Variants in CFAP20DC observed in about 807,000 individuals in gnomAD.
The protein encoded by CFAP20DC is CFAP20 domain containing.
In CFAP20DC, 84 loss-of-function variants were observed where a neutral mutation model predicts 101.7. The observed-to-expected ratio is 0.83, with a 90% CI of 0.69 to 0.99. CFAP20DC has a LOEUF of 0.99. Ranked by LOEUF, CFAP20DC falls within the 50% of genes least tolerant of loss-of-function variation. The pLI, the probability that CFAP20DC is intolerant of heterozygous loss-of-function variation, is 0.00. For synonymous variants in CFAP20DC, 359 were observed against 351.2 expected (o/e 1.02, Z -0.25); for missense variants, 1,007 against 970.3 (o/e 1.04, Z -0.50).
chr3:58,809,931 G>T (rs1436098979), intron 14 of CFAP20DC, among the ~76,000 whole-genome samples: 1 of 152,092 alleles, frequency 6.6e-6, no homozygotes, highest in South Asian at 2.1e-4. Flanking sequence ...AAACCTCCAC[G>T]CAAATAAACT....
At chr3:58,855,261 G>A (rs1301078818) in intron 12 of CFAP20DC, among the ~76,000 whole-genome samples, 2 of 152,096 alleles carry the variant, frequency 1.3e-5, no homozygotes, top group South Asian at 2.1e-4. Flanking sequence ...GGCCATCAGA[G>A]AAATGCAACT....
rs1366800064 is a variant in CFAP20DC, at chr3:58,795,509, C to T, written c.2237+10886G>A. On this transcript the variant is annotated intron_variant, in intron 15 of 16. Coordinates refer to ENST00000482387, the MANE Select transcript of CFAP20DC (RefSeq NM_001394063.1). This position sits in a 1 kb window ranked among gnomAD's most constrained non-coding sequence, Gnocchi z 4.2. ...TCAGCTTGGCTTGTGCCTGTGGTCT[C>T]GGCTACATGGGAAGCTGGAGTGGGA... Among the ~76,000 whole-genome samples, 6 of 152,154 alleles carry T rather than the reference C, an allele frequency of 3.9e-5. No individual in the cohort carries two copies. Among genetic ancestry groups the T allele is most frequent in the South Asian group, 2.1e-4 (1 of 4,824 alleles).
intron 3 of CFAP20DC, among the ~76,000 whole-genome samples, chr3:58,735,376 A>G (rs901062005): frequency 6.6e-6 from 1 of 152,226 alleles, no homozygotes; most frequent in East Asian, 1.9e-4. Flanking sequence ...CATCAACCAC[A>G]TGGGGTTAAG....
At chr3:58,851,634 G>A (rs2078239465) in intron 12 of CFAP20DC, among the ~76,000 whole-genome samples, 6 of 152,044 alleles carry the variant, frequency 3.9e-5, no homozygotes, top group Admixed American at 3.3e-4. Context: ...GCTCCACCAA[G>A]TTCAAGACAC....
intron 4 of CFAP20DC, 121 bp from the exon 5 acceptor site, chr3:58,937,883 C>A: frequency 1.5e-6 from 1 of 655,584 alleles, no homozygotes; most frequent in South Asian, 1.9e-5. Context: ...AGATCAAACA[C>A]AGAATTTAAG....
intron 4 of CFAP20DC, among the ~76,000 whole-genome samples, chr3:58,990,502 A>G (rs991901945): frequency 6.6e-6 from 1 of 152,130 alleles, no homozygotes; most frequent in South Asian, 2.1e-4. Flanking sequence ...AATGCTCTTT[A>G]TATGGCTTGC....
rs2067480609 is a variant in CFAP20DC, at chr3:58,722,055, TG to T, written c.198-4428del. On this transcript the variant is annotated intron_variant, in intron 3 of 3. Coordinates refer to the CFAP20DC transcript ENST00000486145. This position sits in a 1 kb window ranked among gnomAD's most constrained non-coding sequence, Gnocchi z 4.5. Reference sequence around the variant, plus strand: ...TTGTTTTCTTTTTACCTAGCTCACTTGGAACATTTGCTTTCTGGATGCTCCT... The same window carrying T: ...TTGTTTTCTTTTTACCTAGCTCACTTGAACATTTGCTTTCTGGATGCTCCT... Among the ~76,000 whole-genome samples the T allele has an allele frequency of 2.0e-5, 3 of 152,198 alleles. No individual in the cohort carries two copies. In the South Asian group the frequency reaches 6.2e-4, roughly 31 times the overall value.
chr3:59,019,742 C>T (rs1275282590), intron 4 of CFAP20DC, among the ~76,000 whole-genome samples: 3 of 152,050 alleles, frequency 2.0e-5, no homozygotes, highest in Non-Finnish European at 4.4e-5. Flanking sequence ...TTGGTGTATA[C>T]TTTAAGATAG....
At chr3:58,772,106 G>C (rs916665491) in intron 15 of CFAP20DC, among the ~76,000 whole-genome samples, 2 of 152,160 alleles carry the variant, frequency 1.3e-5, no homozygotes, top group African/African-American at 4.8e-5. Flanking sequence ...GAGAAATTTT[G>C]TTTCTTGTTT....
chr3:58,803,874 CA>C (rs1381851387), intron 15 of CFAP20DC, among the ~76,000 whole-genome samples: 1 of 152,142 alleles, frequency 6.6e-6, no homozygotes, highest in Non-Finnish European at 1.5e-5. Context: ...TAATTGGTTG[CA>C]TAAGATAATG....
intron 4 of CFAP20DC, chr3:59,018,717 G>A (rs772208914): frequency 1.3e-5 from 2 of 152,140 alleles, no homozygotes; most frequent in Non-Finnish European, 2.9e-5. Flanking sequence ...ACTAAAGGTA[G>A]TGTGTAATTC....
In CFAP20DC at chr3:59,049,966, C is replaced by A; in HGVS notation, c.-335G>T. The A allele has an allele frequency of 3.3e-6, 1 of 300,034 alleles. No homozygotes were observed. Among genetic ancestry groups the A allele is most frequent in the Non-Finnish European group, 6.2e-6 (1 of 161,978 alleles). 18.6% of individuals were successfully genotyped at this position (300,034 alleles called of 1,614,324 possible). A position where few individuals can be genotyped will look rare whatever the true frequency, so the allele number is the denominator to read the frequency against. On this transcript the variant is annotated 5_prime_UTR_variant, in exon 1 of 17. Coordinates refer to ENST00000482387, the MANE Select transcript of CFAP20DC (RefSeq NM_001394063.1). ...GGGCGCCCAGTCGCGGAGCCACAGA[C>A]AACCGCCCGCTGGCCTAGGAAAAGC...
intron 6 of CFAP20DC, among the ~76,000 whole-genome samples, chr3:58,903,211 A>T (rs2083298834): frequency 6.6e-6 from 1 of 152,218 alleles, no homozygotes; most frequent in Non-Finnish European, 1.5e-5. Flanking sequence ...TTGGTATCAT[A>T]TCTAATACTA....
intron 15 of CFAP20DC, among the ~76,000 whole-genome samples, chr3:58,802,959 G>C (rs1334309399): frequency 1.3e-5 from 2 of 151,696 alleles, no homozygotes; most frequent in African/African-American, 4.8e-5. Context: ...CCAGGTGACA[G>C]AGTGAGACTG....
At chr3:59,020,044 A>G (rs2093772268) in intron 4 of CFAP20DC, among the ~76,000 whole-genome samples, 1 of 152,126 alleles carries the variant, frequency 6.6e-6, no homozygotes, top group Non-Finnish European at 1.5e-5. Flanking sequence ...AATATAAAAT[A>G]ATGCCACTCT....
chr3:58,932,463 C>T (rs991808094), intron 5 of CFAP20DC, among the ~76,000 whole-genome samples: 2 of 151,976 alleles, frequency 1.3e-5, no homozygotes, highest in African/African-American at 4.8e-5. Context: ...CTCCAAGACA[C>T]ATAATTGTCA....
Position 58,849,377 on chromosome 3 carries a change from T to G in CFAP20DC, c.1626A>C (p.Pro542=). Residue 542 remains proline (P), a synonymous_variant, in exon 13 of 17, where the codon CCA becomes CCC. Coordinates refer to ENST00000482387, the MANE Select transcript of CFAP20DC (RefSeq NM_001394063.1). ...GAGTTAACTCTGAAGGACCAGTTGT[T>G]GGGCCTCGAGAACCCTGGATACTGT... The part of the protein sequence containing the change: ...GNHSIQGSRG[P]TTGPSELTQL... 2 of 1,535,516 alleles carry G rather than the reference T, an allele frequency of 1.3e-6. 1 individual carries two copies.
chr3:58,925,897 C>A (rs777800825), intron 5 of CFAP20DC, among the ~76,000 whole-genome samples: 4 of 152,082 alleles, frequency 2.6e-5, no homozygotes, highest in African/African-American at 9.7e-5. Context: ...TGGGGTGACC[C>A]TAAAACTAAA....
At chr3:59,023,474 A>C (rs183844521) in intron 4 of CFAP20DC, among the ~76,000 whole-genome samples, 2 of 152,188 alleles carry the variant, frequency 1.3e-5, no homozygotes. Context: ...AAGTGGAGAG[A>C]TGGGATTAGG....
Sources: allele counts gnomAD v4.1 joint callset (sites outside exome capture counted in the v4.1 genomes callset), GRCh38; gene constraint gnomAD v4.1.1; non-coding constraint Gnocchi (gnomAD v3.1); transcripts MANE v1.5; gene names NCBI Gene and HGNC (gene_info 2026-07-23, HGNC 2026-07-21).